The following CORO6 variants were observed in gnomAD, a reference collection of about 807,000 sequenced individuals.
The protein encoded by CORO6 is coronin 6, also known as coronin-6.
A neutral mutation model predicts 49.0 loss-of-function variants in CORO6; 43 were observed. The observed-to-expected ratio is 0.88, with a 90% confidence interval of 0.69 to 1.13. CORO6 has a LOEUF of 1.13. Ranked by LOEUF, CORO6 falls within the 50% of genes most tolerant of loss-of-function variation. The pLI is 0.00. For synonymous variants in CORO6, 233 were observed against 256.5 expected (o/e 0.91, Z 0.88); for missense variants, 650 against 647.0 (o/e 1.00, Z -0.05).
chr17:29,622,441 C>A (rs2035354878), intron 1 of CORO6, among the ~76,000 whole-genome samples: 1 of 152,372 alleles, frequency 6.6e-6, no homozygotes. Context: ...GTCTGCGGCC[C>A]CGAGCCTGAG....
intron 10 of CORO6, 40 bp from the exon 11 acceptor site, chr17:29,615,897 G>T: frequency 6.3e-7 from 1 of 1,589,196 alleles, no homozygotes; most frequent in South Asian, 1.1e-5. Flanking sequence ...TATAGGGGCG[G>T]TTGGGGGAGA....
Position 29,619,059 on chromosome 17 carries a change from C to T in CORO6, c.451+1G>A, listed in dbSNP as rs371000206. 4.3e-6 allele frequency: 7 copies of T among 1,613,350 alleles called. No individual in the cohort carries two copies. Among genetic ancestry groups the T allele is most frequent in the Non-Finnish European group, 4.2e-6 (5 of 1,179,660 alleles). On this transcript the variant is annotated splice_donor_variant, in intron 4 of 10. Coordinates refer to ENST00000388767, the MANE Select transcript of CORO6 (RefSeq NM_032854.4). LOFTEE classifies it high-confidence loss of function. ...GGGGGACCCCTCCTTAGCCCCCAGA[C>T]CTGCACTGAGCAGGACATTCCTGGC...
At position 29,615,821 on chromosome 17, in the gene CORO6, T is replaced by C; in HGVS notation, c.1330A>G (p.Lys444Glu). The change falls in exon 11 of 11, where the codon AAG (lysine) becomes GAG (glutamate). Residue 444 changes from lysine (K) to glutamate (E), a missense_variant. Coordinates refer to ENST00000388767, the MANE Select transcript of CORO6 (RefSeq NM_032854.4). ...HTLETLLEEIKALRERVQAQE... is the reference protein window; with the variant it reads ...HTLETLLEEIEALRERVQAQE... ...GCCTGCACCCGCTCGCGGAGGGCCTTGATCTCTTCCAGCAGCGTCTCCAGG... is the reference window on the plus strand; with the variant it reads ...GCCTGCACCCGCTCGCGGAGGGCCTCGATCTCTTCCAGCAGCGTCTCCAGG... 1.3e-6 allele frequency: 2 copies of C among 1,581,706 alleles called. No individual in the cohort carries two copies. The highest frequency in any genetic ancestry group is 8.6e-7 in the Non-Finnish European group (1 of 1,165,264).
chr17:29,619,561 T>C lies in CORO6; in HGVS notation c.321+90A>G. 7.5e-6 allele frequency: 10 copies of C among 1,335,032 alleles called. No individual in the cohort carries two copies. In the South Asian group the frequency reaches 1.2e-4, roughly 17 times the overall value. 82.7% of individuals were successfully genotyped at this position (1,335,032 alleles called of 1,614,324 possible). On this transcript the variant is annotated intron_variant, in intron 3 of 10. Transcript: ENST00000388767. ...GCCCTGGGACCCAGCACCTCCCTTA[T>C]TACCACCCTTAGCACCTTCCCCAGC...
intron 5 of CORO6, chr17:29,617,931 C>T (rs1567807444): frequency 1.1e-6 from 1 of 921,192 alleles, no homozygotes; most frequent in South Asian, 1.9e-5. Flanking sequence ...AGGCTTTTCC[C>T]GAATGGGAGC....
rs1378921786 is a variant in CORO6 at position 29,617,012 on chromosome 17, C to T, written c.784G>A (p.Glu262Lys). The change falls in exon 7 of 11, where the codon GAG becomes AAG. Residue 262 changes from glutamate to lysine, a missense_variant. Glu to Lys is a moderately conservative substitution (Grantham distance 56, BLOSUM62 1). Coordinates refer to ENST00000388767, the MANE Select transcript of CORO6 (RefSeq NM_032854.4). ...NNFEEPVALQ[E>K]MDTSNGVLLP... is the part of the protein sequence containing the mutation. ...AGGACCCCGTTGCTTGTGTCCATCT[C>T]CTGCAGTGCCACTGGCTCCTCGAAG... 1.2e-6 allele frequency: 2 copies of T among 1,613,754 alleles called. No individual in the cohort carries two copies. Among genetic ancestry groups the T allele is most frequent in the Admixed American group, 3.3e-5 (2 of 60,020 alleles).
rs769188988 is a variant in CORO6 at position 29,616,110 on chromosome 17, G to T, written c.1128C>A (p.Asp376Glu). 1.9e-6 allele frequency: 3 copies of T among 1,613,162 alleles called. No homozygotes were observed. The African/African-American group carries it at 4.0e-5, about 22-fold the overall frequency. ...CGGCGTCCTGGCCGGATAGCCATTC[G>T]TCCGCTTCTAGGGCCGGCTCCGGGC... is the stretch of plus-strand genomic sequence containing the variant. The part of the protein sequence containing the change: ...TPGPEPALEA[D>E]EWLSGQDAEP... Residue 376 changes from aspartate (D) to glutamate (E), a missense_variant, in exon 10 of 11, where the codon GAC becomes GAA. Asp to Glu is a conservative substitution (Grantham distance 45). Transcript: ENST00000388767. This position sits in a 1 kb window ranked among gnomAD's most constrained non-coding sequence, Gnocchi z 5.6.
At position 29,617,603 on chromosome 17, in the gene CORO6, T is replaced by G; in HGVS notation, c.650A>C (p.His217Pro). Residue 217 changes from histidine (H) to proline (P), a missense_variant, in exon 6 of 11, where the codon CAC becomes CCC. Physicochemically the swap from His to Pro is moderately conservative, Grantham distance 77. Transcript: ENST00000388767. ...GQVVAERFAA[H>P]EGMRPMRAVF... ...GGCCCGCATGGGCCTCATCCCCTCG[T>G]GGGCCGCAAACCTCTCCTGGGGGGA... 1 of 1,600,040 alleles carries G rather than the reference T, an allele frequency of 6.2e-7. No homozygotes were observed. The highest frequency in any genetic ancestry group is 2.3e-5 in the East Asian group (1 of 44,304).
chr17:29,618,651 G>A (rs913502420), intron 5 of CORO6, 139 bp downstream of exon 5: 3 of 1,434,940 alleles, frequency 2.1e-6, no homozygotes, highest in Admixed American at 5.3e-5. Flanking sequence ...GCAGAGACGG[G>A]GGAAGGGGGC....
In CORO6 at chr17:29,616,068, C is replaced by G. The variant is rs554000087; in HGVS notation, c.1170G>C (p.Ser390=). 6.2e-7 allele frequency: 1 copy of G among 1,612,846 alleles called. No homozygotes were observed. The highest frequency in any genetic ancestry group is 1.1e-5 in the South Asian group (1 of 91,052). ...TGGGGGGCACATAGCCGTCCCTCAG[C>G]GAAATGAGCACGGGTTCGGCGTCCT... ...SGQDAEPVLI[S]LRDGYVPPKH... The change falls in exon 10 of 11, where the codon TCG becomes TCC. Residue 390 remains serine (S), a synonymous_variant. Transcript: ENST00000388767. This position sits in a 1 kb window ranked among gnomAD's most constrained non-coding sequence, Gnocchi z 5.6.
intron 3 of CORO6, among the ~76,000 whole-genome samples, 165 bp from the exon 4 acceptor site, chr17:29,619,354 C>T (rs1004103774): frequency 6.6e-6 from 1 of 151,960 alleles, no homozygotes; most frequent in Admixed American, 6.5e-5. Flanking sequence ...AGCTGGGAGC[C>T]AGGAGGGGGC....
chr17:29,622,849 T>G lies in CORO6; in HGVS notation c.-225A>C, dbSNP rs2035381203. ...TCCAGCTCCGCACTCTGGCCGATCC[T>G]GCGGCTCTCTAGAGCCCGGCGCCGC... On this transcript the variant is annotated 5_prime_UTR_variant, in exon 1 of 11. Coordinates refer to ENST00000388767, the MANE Select transcript of CORO6 (RefSeq NM_032854.4). The G allele has an allele frequency of 7.7e-7, 1 of 1,302,606 alleles. No individual in the cohort carries two copies. The highest frequency in any genetic ancestry group is 1.0e-6 in the Non-Finnish European group (1 of 989,954). The allele number at this position is 1,302,606 out of a possible 1,614,324, so 80.7% of individuals were successfully genotyped here. A position where few individuals can be genotyped will look rare whatever the true frequency, so the allele number is the denominator to read the frequency against.
rs758183844 is a variant in CORO6, at chr17:29,615,992, G to A, written c.1246C>T (p.Pro416Ser). The change falls in exon 10 of 11, where the codon CCC (proline) becomes TCC (serine). Residue 416 changes from proline to serine, a missense_variant. Coordinates refer to ENST00000388767, the MANE Select transcript of CORO6 (RefSeq NM_032854.4). ...TKRNILDVRP[P>S]SGPRRSQSAS... is the part of the protein sequence containing the mutation. ...GACTGGCTGCGGCGGGGGCCGGAGG[G>A]CGGGCGCACGTCCAGGATGTTGCGC... 4.3e-5 allele frequency: 68 copies of A among 1,585,210 alleles called. No individual in the cohort carries two copies. In the Admixed American group the frequency reaches 1.2e-3, roughly 28 times the overall value.
At position 29,616,910 on chromosome 17, in the gene CORO6, C is replaced by T. The variant is rs2034979272; in HGVS notation, c.858+28G>A. On this transcript the variant is annotated intron_variant, in intron 7 of 10. Transcript: ENST00000388767. This position sits in a 1 kb window ranked among gnomAD's most constrained non-coding sequence, Gnocchi z 5.6. ...GGCCCTCCACATCTCCATCCAGTGC[C>T]CTGTTCTCCCTGCCCGGCCGTGAGC... 1 of 1,613,676 alleles carries T rather than the reference C, an allele frequency of 6.2e-7. No homozygotes were observed. Among genetic ancestry groups the T allele is most frequent in the Non-Finnish European group, 8.5e-7 (1 of 1,179,978 alleles).
chr17:29,619,276 C>T, intron 3 of CORO6, 87 bp from the exon 4 acceptor site: 2 of 1,505,926 alleles, frequency 1.3e-6, no homozygotes, highest in Non-Finnish European at 1.8e-6. Context: ...TTTAACCCTA[C>T]TGGCTCTCTT....
chr17:29,622,434 T>G (rs976089287), intron 1 of CORO6, among the ~76,000 whole-genome samples: 2 of 152,224 alleles, frequency 1.3e-5, no homozygotes, highest in Admixed American at 6.5e-5. Context: ...AAGGCGCGTC[T>G]GCGGCCCCGA....
chr17:29,618,621 T>G, intron 5 of CORO6, 169 bp downstream of exon 5: 1 of 1,424,298 alleles, frequency 7.0e-7, no homozygotes, highest in Non-Finnish European at 9.2e-7. Flanking sequence ...GGGGCTTACT[T>G]AGGGCAGAGA....
Position 29,618,771 on chromosome 17 carries a change from G to A in CORO6, c.633+19C>T. 6.2e-7 allele frequency: 1 copy of A among 1,611,298 alleles called. No homozygotes were observed. The highest frequency in any genetic ancestry group is 8.5e-7 in the Non-Finnish European group (1 of 1,178,922). On this transcript the variant is annotated intron_variant, in intron 5 of 10. Coordinates refer to ENST00000388767, the MANE Select transcript of CORO6 (RefSeq NM_032854.4). ...CACTGGTCAAGGGGTTCTGGGGAGT[G>A]GCCAGGCCAGGCACTCACCGCCACC...
Position 29,615,467 on chromosome 17 carries a change from T to G in CORO6, c.*265A>C. ...GACACCACCTCGCCGTGCAGCACCA[T>G]TGCTGAGCCCCCCAGGTTACCCCAG... On this transcript the variant is annotated 3_prime_UTR_variant, in exon 11 of 11. Transcript: ENST00000388767. 4.6e-6 allele frequency: 2 copies of G among 435,294 alleles called. No individual in the cohort carries two copies. Among genetic ancestry groups the G allele is most frequent in the Non-Finnish European group, 8.2e-6 (2 of 244,452 alleles). The allele number at this position is 435,294 out of a possible 1,614,324, so 27.0% of individuals were successfully genotyped here. A position where few individuals can be genotyped will look rare whatever the true frequency, so the allele number is the denominator to read the frequency against.
Sources: gnomAD v4.1 joint callset for allele counts (sites outside exome capture counted in the v4.1 genomes callset) on GRCh38, gnomAD v4.1.1 for gene constraint, Gnocchi (gnomAD v3.1) non-coding constraint, MANE v1.5 for transcripts, NCBI Gene and HGNC (gene_info 2026-07-23, HGNC 2026-07-21) for gene names.